GSE1: variants seen among roughly 807,000 people sequenced by gnomAD.
GSE1 encodes the protein genetic suppressor element 1.
A neutral mutation model predicts 112.6 loss-of-function variants in GSE1; 32 were observed. The ratio of observed to expected loss-of-function variants is 0.28; its 90% CI spans 0.21 to 0.38. GSE1 has a LOEUF of 0.38. Ranked by LOEUF, GSE1 falls within the 10% of genes least tolerant of loss-of-function variation. The probability of loss-of-function intolerance (pLI) is 1.00; values close to 1 mark genes in which losing one functional copy is unlikely to be tolerated. For missense variants in GSE1, 2,348 were observed against 1,699.2 expected, an observed-to-expected ratio of 1.38 and a Z score of -6.71; for synonymous variants, 1,115 against 735.6, an observed-to-expected ratio of 1.52 and a Z score of -8.35.
At chr16:85,215,827 C>G (rs1339335254) in intron 1 of GSE1, among the ~76,000 whole-genome samples, 1 of 152,136 alleles carries the variant, frequency 6.6e-6, no homozygotes, top group African/African-American at 2.4e-5. Context: ...CTCAACTCTC[C>G]CCTTCCCCCG....
chr16:85,330,924 G>C (rs2151515925), intron 1 of GSE1, among the ~76,000 whole-genome samples: 2 of 152,232 alleles, frequency 1.3e-5, no homozygotes, highest in Admixed American at 1.3e-4. Context: ...TGCTGCTTAA[G>C]ACACGTGGGA....
intron 2 of GSE1, among the ~76,000 whole-genome samples, chr16:85,414,312 T>A (rs947568395): frequency 6.6e-6 from 1 of 152,252 alleles, no homozygotes. Flanking sequence ...ATCACTGCCA[T>A]GGTCAGGTGT....
chr16:85,316,155 A>C (rs1311016721), intron 1 of GSE1, among the ~76,000 whole-genome samples: 5 of 152,274 alleles, frequency 3.3e-5, no homozygotes, highest in African/African-American at 1.2e-4. Flanking sequence ...AACTCGGTGC[A>C]GAAGTGCGAC....
At chr16:85,396,085 A>G (rs922894724) in intron 2 of GSE1, among the ~76,000 whole-genome samples, 2 of 152,246 alleles carry the variant, frequency 1.3e-5, no homozygotes, top group African/African-American at 2.4e-5. Context: ...TTCAGCCCCA[A>G]GTGGCCTGTT....
At chr16:85,272,814 T>A (rs1475405187) in intron 1 of GSE1, among the ~76,000 whole-genome samples, 1 of 151,624 alleles carries the variant, frequency 6.6e-6, no homozygotes, top group East Asian at 1.9e-4. Flanking sequence ...TTCACTCTTG[T>A]TGCCCAGGCT....
At chr16:85,410,388 A>T (rs1347766496) in intron 2 of GSE1, among the ~76,000 whole-genome samples, 11 of 27,414 alleles carry the variant, frequency 4.0e-4, no homozygotes, top group South Asian at 1.7e-3. Context: ...TCACTTTTAC[A>T]CTCAGGCCCC....
chr16:85,431,885 G>A (rs745824697), intron 2 of GSE1, among the ~76,000 whole-genome samples: 3 of 152,248 alleles, frequency 2.0e-5, no homozygotes, highest in African/African-American at 4.8e-5. Context: ...ATTAGCTAGC[G>A]GTTTGAAAGC....
At chr16:85,380,783 G>A (rs911276896) in intron 2 of GSE1, among the ~76,000 whole-genome samples, 1 of 152,136 alleles carries the variant, frequency 6.6e-6, no homozygotes, top group Non-Finnish European at 1.5e-5. Flanking sequence ...ACAGCCCTCC[G>A]CTGCTCCTCC....
chr16:85,382,529 C>T (rs2047570832), intron 2 of GSE1, among the ~76,000 whole-genome samples: 1 of 152,166 alleles, frequency 6.6e-6, no homozygotes, highest in South Asian at 2.1e-4. Flanking sequence ...CTCACTTTCC[C>T]GATGAGACAG....
In GSE1 at chr16:85,656,571, C is replaced by T. The variant is rs533388079; in HGVS notation, c.1218C>T (p.Pro406=). ...TGCTGGCCGCCAAGGCCCTGGAGCC[C>T]AGCTTCCTGCCCGTGGCCGAGCTGC... The part of the protein sequence containing the change: ...KELLAAKALE[P]SFLPVAELHG... Residue 406 remains proline (P), a synonymous_variant, in exon 7 of 16, where the codon CCC becomes CCT. Transcript: ENST00000253458. The T allele has an allele frequency of 1.6e-5, 25 of 1,547,654 alleles. No homozygotes were observed. Among genetic ancestry groups the T allele is most frequent in the Middle Eastern group, 1.9e-4 (1 of 5,200 alleles).
chr16:85,417,830 G>A (rs2048737438), intron 2 of GSE1, among the ~76,000 whole-genome samples: 1 of 152,220 alleles, frequency 6.6e-6, no homozygotes, highest in African/African-American at 2.4e-5. Flanking sequence ...CAGGGCTGAA[G>A]GCTGCATTTC....
chr16:85,470,629 G>A (rs1009777211), intron 2 of GSE1, among the ~76,000 whole-genome samples: 1 of 152,232 alleles, frequency 6.6e-6, no homozygotes, highest in African/African-American at 2.4e-5. Context: ...GGGTCTGGGA[G>A]GGTTGTATGG....
chr16:85,308,755 T>C (rs1733397950), intron 1 of GSE1, among the ~76,000 whole-genome samples: 1 of 151,612 alleles, frequency 6.6e-6, no homozygotes, highest in African/African-American at 2.4e-5. Context: ...TTCCTTTCAG[T>C]CTGAATCAGA....
intron 2 of GSE1, among the ~76,000 whole-genome samples, chr16:85,376,046 C>G (rs1299876673): frequency 1.3e-5 from 2 of 152,122 alleles, no homozygotes; most frequent in African/African-American, 4.8e-5. Flanking sequence ...GGCCTCCCTT[C>G]TGCTATGTGG....
chr16:85,205,690 G>A (rs2075102783), intron 1 of GSE1, among the ~76,000 whole-genome samples: 1 of 152,160 alleles, frequency 6.6e-6, no homozygotes, highest in Non-Finnish European at 1.5e-5. Context: ...GGCAGCATGC[G>A]GTGTCCCCTC....
chr16:85,385,225 C>G (rs1020258750), intron 2 of GSE1, among the ~76,000 whole-genome samples: 1 of 152,224 alleles, frequency 6.6e-6, no homozygotes, highest in Non-Finnish European at 1.5e-5. Flanking sequence ...CCTGTGGCTG[C>G]TTGTCCGGGG....
chr16:85,663,397 A>T lies in GSE1; in HGVS notation c.2427A>T (p.Glu809Asp). Residue 809 changes from glutamate (E) to aspartate (D), a missense_variant, in exon 11 of 16, where the codon GAA becomes GAT. Physicochemically the swap from Glu to Asp is conservative, Grantham distance 45. Coordinates refer to ENST00000253458, the MANE Select transcript of GSE1 (RefSeq NM_014615.5). ...TGACCACCCAACAGCAGAAGGAGGA[A>T]TTGGTGGCCCAGAAGCGGAGGAAGC... ...FGLTTQQQKE[E>D]LVAQKRRKRR... 1.9e-6 allele frequency: 3 copies of T among 1,613,978 alleles called. No individual in the cohort carries two copies. Among genetic ancestry groups the T allele is most frequent in the South Asian group, 1.1e-5 (1 of 91,078 alleles).
At chr16:85,290,522 C>T (rs2045177865) in intron 1 of GSE1, among the ~76,000 whole-genome samples, 1 of 152,214 alleles carries the variant, frequency 6.6e-6, no homozygotes, top group African/African-American at 2.4e-5. Flanking sequence ...GTTCATTCCA[C>T]AGCTGCCCTG....
At chr16:85,351,127 C>T (rs749499829) in intron 1 of GSE1, among the ~76,000 whole-genome samples, 11 of 152,126 alleles carry the variant, frequency 7.2e-5, no homozygotes, top group Non-Finnish European at 1.5e-4. Context: ...GGAGAGTAGC[C>T]AAGACCTGGG....
Sources: allele counts gnomAD v4.1 joint callset (sites outside exome capture counted in the v4.1 genomes callset), GRCh38; gene constraint gnomAD v4.1.1; transcripts MANE v1.5; gene names NCBI Gene and HGNC (gene_info 2026-07-23, HGNC 2026-07-21).